ASPRV1: variants seen among roughly 807,000 people sequenced by gnomAD.
The protein encoded by ASPRV1 is retroviral-like aspartic protease 1.
ASPRV1 carries 7 observed loss-of-function variants against 11.0 expected under a neutral mutation model. The ratio of observed to expected loss-of-function variants is 0.64; its 90% CI spans 0.36 to 1.20. ASPRV1 has a LOEUF of 1.20. Ranked by LOEUF, ASPRV1 falls within the 50% of genes most tolerant of loss-of-function variation. ASPRV1 has a pLI of 0.02. For synonymous variants in ASPRV1, 136 were observed against 138.4 expected, an observed-to-expected ratio of 0.98 and a Z score of 0.12; for missense variants, 299 against 320.0, an observed-to-expected ratio of 0.93 and a Z score of 0.50.
chr2:69,978,251 T>C, the ASPRV1 span, among the ~76,000 whole-genome samples: 8 of 152,270 alleles, frequency 5.3e-5, no homozygotes, highest in African/African-American at 1.4e-4. Flanking sequence ...CCCAACACTC[T>C]TTCCACCCCT....
At chr2:70,045,735 CA>C in the ASPRV1 span, 1 of 152,068 alleles carries the variant, frequency 6.6e-6, no homozygotes, top group Admixed American at 6.6e-5. Context: ...CTAGCCTGGC[CA>C]ACATGGTGAA....
the ASPRV1 span, among the ~76,000 whole-genome samples, chr2:70,020,847 G>A: frequency 2.4e-4 from 37 of 152,218 alleles, no homozygotes; most frequent in South Asian, 6.0e-3. Context: ...GGTGATCAGG[G>A]GCTGAGGGAG....
chr2:69,983,903 G>C, the ASPRV1 span, among the ~76,000 whole-genome samples: 1 of 152,172 alleles, frequency 6.6e-6, no homozygotes, highest in Non-Finnish European at 1.5e-5. Flanking sequence ...TTTGAACCTG[G>C]AGGTCACACA....
chr2:70,085,683 T>TA, the ASPRV1 span: 1 of 152,218 alleles, frequency 6.6e-6, no homozygotes, highest in South Asian at 2.1e-4. Flanking sequence ...AGGACCATGG[T>TA]AAAAATTAAA....
the ASPRV1 span, among the ~76,000 whole-genome samples, chr2:69,950,891 TAAA>T: frequency 7.9e-6 from 1 of 127,262 alleles, no homozygotes; most frequent in Non-Finnish European, 1.8e-5. Flanking sequence ...AAATAAATAA[TAAA>T]AAATAAAATA....
the ASPRV1 span, among the ~76,000 whole-genome samples, chr2:70,066,341 T>G: frequency 6.6e-6 from 1 of 151,524 alleles, no homozygotes; most frequent in Non-Finnish European, 1.5e-5. Context: ...CAGGTTCAAG[T>G]GATTCTCCTA....
the ASPRV1 span, among the ~76,000 whole-genome samples, chr2:70,064,162 C>G: frequency 1.3e-5 from 2 of 152,192 alleles, no homozygotes; most frequent in African/African-American, 2.4e-5. Flanking sequence ...TTAGATGGTT[C>G]ATCCAGGCAA....
chr2:69,971,455 T>C, the ASPRV1 span, among the ~76,000 whole-genome samples: 1 of 152,170 alleles, frequency 6.6e-6, no homozygotes, highest in African/African-American at 2.4e-5. Context: ...GTGATTAGAA[T>C]AGAACGTTAG....
upstream of ASPRV1, among the ~76,000 whole-genome samples, chr2:69,966,304 G>A (rs2104304959): frequency 6.6e-6 from 1 of 152,324 alleles, no homozygotes; most frequent in South Asian, 2.1e-4. Context: ...CCTCCTCAGG[G>A]CCCAGCCCTC....
At chr2:69,948,931 T>G in the ASPRV1 span, among the ~76,000 whole-genome samples, 1 of 151,616 alleles carries the variant, frequency 6.6e-6, no homozygotes, top group Non-Finnish European at 1.5e-5. Context: ...GGGCCCCCAC[T>G]TGGGGAGCCT....
chr2:69,992,908 CAG>C, the ASPRV1 span, among the ~76,000 whole-genome samples: 1 of 152,202 alleles, frequency 6.6e-6, no homozygotes, highest in East Asian at 1.9e-4. Flanking sequence ...GGTGAGGTGA[CAG>C]AGCCCTGGGC....
chr2:69,987,337 C>A, the ASPRV1 span, among the ~76,000 whole-genome samples: 2 of 152,062 alleles, frequency 1.3e-5, no homozygotes, highest in Non-Finnish European at 2.9e-5. Flanking sequence ...AACAGCCAAG[C>A]CCCAGGATCA....
chr2:69,943,274 T>C, the ASPRV1 span, among the ~76,000 whole-genome samples: 1 of 152,246 alleles, frequency 6.6e-6, no homozygotes, highest in Non-Finnish European at 1.5e-5. Context: ...CCAAGACTTC[T>C]GCATCTTTTG....
chr2:69,937,191 G>A, the ASPRV1 span: 55 of 1,609,990 alleles, frequency 3.4e-5, no homozygotes, highest in Non-Finnish European at 4.4e-5. Context: ...TGCCCATTTA[G>A]AGATCTCCCT....
At chr2:70,045,999 T>C in the ASPRV1 span, 1 of 152,168 alleles carries the variant, frequency 6.6e-6, no homozygotes, top group East Asian at 1.9e-4. Context: ...TGTTCACCTT[T>C]TCCCCTGCAA....
At chr2:70,076,726 T>C in the ASPRV1 span, among the ~76,000 whole-genome samples, 1 of 152,344 alleles carries the variant, frequency 6.6e-6, no homozygotes, top group East Asian at 1.9e-4. Flanking sequence ...CAATGCCTAT[T>C]ATAAACTTGA....
chr2:69,933,215 A>AAC, the ASPRV1 span, among the ~76,000 whole-genome samples: 1 of 149,752 alleles, frequency 6.7e-6, no homozygotes, highest in Non-Finnish European at 1.5e-5. Flanking sequence ...AAAAAAAAAA[A>AAC]AAAAAAAAAC....
At chr2:70,053,153 C>T in the ASPRV1 span, among the ~76,000 whole-genome samples, 4 of 152,128 alleles carry the variant, frequency 2.6e-5, no homozygotes, top group Non-Finnish European at 4.4e-5. Context: ...TAAGTCCCTA[C>T]GAAGGAAAGC....
the ASPRV1 span, chr2:70,056,104 C>T: frequency 1.3e-5 from 2 of 152,148 alleles, no homozygotes; most frequent in East Asian, 1.9e-4. Context: ...CACAAAAATA[C>T]CGTATAACTC....
Sources: gnomAD v4.1 joint callset for allele counts (sites outside exome capture counted in the v4.1 genomes callset) on GRCh38, gnomAD v4.1.1 for gene constraint, MANE v1.5 for transcripts, NCBI Gene and HGNC (gene_info 2026-07-23, HGNC 2026-07-21) for gene names.